The following ARHGEF4 variants were observed in gnomAD, a reference collection of about 807,000 sequenced individuals.
The protein encoded by ARHGEF4 is Rho guanine nucleotide exchange factor 4.
Under a neutral mutation model 162.0 loss-of-function variants are expected in ARHGEF4, and 119 were observed. The ratio of observed to expected loss-of-function variants is 0.73; its 90% CI spans 0.63 to 0.86. The LOEUF is 0.86. Among genes scored for constraint, ARHGEF4 ranks in the 40% least tolerant of loss-of-function variants. The probability of loss-of-function intolerance (pLI) is 0.00; values close to 1 mark genes in which losing one functional copy is unlikely to be tolerated. For missense variants in ARHGEF4, 2,488 were observed against 2,456.0 expected (o/e 1.01, Z -0.28); for synonymous variants, 1,014 against 979.9 (o/e 1.03, Z -0.65).
At chr2:130,876,878 A>C (rs1347159669) in intron 1 of ARHGEF4, among the ~76,000 whole-genome samples, 1 of 152,228 alleles carries the variant, frequency 6.6e-6, no homozygotes, top group Non-Finnish European at 1.5e-5. Flanking sequence ...GTAAAGGCTC[A>C]GCAGCTCTTA....
At chr2:131,037,843 G>A (rs1355928033) in intron 5 of ARHGEF4, among the ~76,000 whole-genome samples, 1 of 148,718 alleles carries the variant, frequency 6.7e-6, no homozygotes, top group East Asian at 2.0e-4. Flanking sequence ...GTATAATGTG[G>A]TTGACTGGGT....
At chr2:130,909,531 A>C (rs1681041573) in intron 1 of ARHGEF4, among the ~76,000 whole-genome samples, 1 of 152,196 alleles carries the variant, frequency 6.6e-6, no homozygotes, top group African/African-American at 2.4e-5. Flanking sequence ...GAGAGGCAGA[A>C]GGGAAAGAGA....
At chr2:130,944,625 A>G (rs1683499010) in intron 3 of ARHGEF4, among the ~76,000 whole-genome samples, 1 of 151,732 alleles carries the variant, frequency 6.6e-6, no homozygotes, top group Non-Finnish European at 1.5e-5. Context: ...TTTTTTATCT[A>G]TTTATCTGCT....
intron 3 of ARHGEF4, among the ~76,000 whole-genome samples, chr2:130,939,381 T>C (rs1394097020): frequency 1.3e-5 from 2 of 152,236 alleles, no homozygotes; most frequent in African/African-American, 4.8e-5. Context: ...TTTGCACCTT[T>C]GCCAGAAATC....
intron 1 of ARHGEF4, among the ~76,000 whole-genome samples, chr2:130,910,639 C>G (rs1340351656): frequency 6.6e-6 from 1 of 152,206 alleles, no homozygotes; most frequent in Non-Finnish European, 1.5e-5. Flanking sequence ...CAAGGCTGAT[C>G]TAATGAGCCC....
intron 1 of ARHGEF4, among the ~76,000 whole-genome samples, chr2:130,846,034 T>C (rs1000034195): frequency 2.0e-5 from 3 of 152,078 alleles, no homozygotes; most frequent in African/African-American, 7.2e-5. Flanking sequence ...GTGAGTTTAT[T>C]GTGCGTCAGT....
intron 4 of ARHGEF4, among the ~76,000 whole-genome samples, chr2:130,994,851 T>A (rs991512028): frequency 1.3e-5 from 2 of 152,254 alleles, no homozygotes; most frequent in Non-Finnish European, 2.9e-5. Context: ...GGACTCTTTA[T>A]AGATGCCATT....
At chr2:130,921,797 T>A (rs969713611) in intron 2 of ARHGEF4, among the ~76,000 whole-genome samples, 2 of 152,018 alleles carry the variant, frequency 1.3e-5, no homozygotes, top group African/African-American at 4.8e-5. Flanking sequence ...GTTCAAGCAA[T>A]TCTCCTGCCT....
intron 3 of ARHGEF4, among the ~76,000 whole-genome samples, chr2:130,937,274 C>G (rs1683016888): frequency 6.6e-6 from 1 of 151,984 alleles, no homozygotes; most frequent in Non-Finnish European, 1.5e-5. Context: ...GCCCTAGGTT[C>G]TGTTAATTTT....
In ARHGEF4 at chr2:130,975,483, C is replaced by T. The variant is rs1031681745; in HGVS notation, c.3985+28848C>T. ...TCCCAGGCCCAGGTACCAAAAAACT[C>T]GGGACAGCCCTCACTCCAGAGCCTC... On this transcript the variant is annotated intron_variant, in intron 4 of 13. Coordinates refer to ENST00000409359, the MANE Select transcript of ARHGEF4 (RefSeq NM_001367493.1). Among the ~76,000 whole-genome samples, 6 of 152,136 alleles carry T rather than the reference C, an allele frequency of 3.9e-5. No homozygotes were observed. In the South Asian group the frequency reaches 1.0e-3, roughly 26 times the overall value.
chr2:130,939,296 CT>C lies in ARHGEF4; in HGVS notation c.3859-7206del, dbSNP rs375005906. Among the ~76,000 whole-genome samples the C allele has an allele frequency of 1.9e-3, 285 of 152,184 alleles. 3 individuals are homozygous for C. The highest frequency in any genetic ancestry group is 6.5e-3 in the African/African-American group (272 of 41,554). ...TAGGTGAAGTTTCTTTTCTTCTTTT[CT>C]TTTTTTCTTTTTTTGCCTGTGGATA... is the stretch of plus-strand genomic sequence containing the variant. On this transcript the variant is annotated intron_variant, in intron 3 of 13. Coordinates refer to ENST00000409359, the MANE Select transcript of ARHGEF4 (RefSeq NM_001367493.1).
At chr2:130,953,302 G>A (rs888166205) in intron 4 of ARHGEF4, among the ~76,000 whole-genome samples, 9 of 152,258 alleles carry the variant, frequency 5.9e-5, no homozygotes, top group African/African-American at 1.9e-4. Context: ...AACAAGAAAT[G>A]GGGAAAGGAT....
At chr2:130,843,268 C>T (rs1330058022) in intron 1 of ARHGEF4, among the ~76,000 whole-genome samples, 1 of 152,224 alleles carries the variant, frequency 6.6e-6, no homozygotes, top group African/African-American at 2.4e-5. Context: ...GTCTAAACTC[C>T]AGGTTCCTGG....
intron 4 of ARHGEF4, among the ~76,000 whole-genome samples, chr2:131,010,291 C>T (rs1688364027): frequency 6.6e-6 from 1 of 152,190 alleles, no homozygotes; most frequent in Non-Finnish European, 1.5e-5. Flanking sequence ...TGCCTGCAAG[C>T]AGAAAGCTGT....
chr2:130,898,703 C>G (rs1024540066), intron 1 of ARHGEF4, among the ~76,000 whole-genome samples: 13 of 152,050 alleles, frequency 8.5e-5, no homozygotes, highest in Admixed American at 8.5e-4. Flanking sequence ...GCAGTGGGTG[C>G]GAACACAACA....
intron 1 of ARHGEF4, among the ~76,000 whole-genome samples, chr2:130,853,708 T>G (rs114541891): frequency 0.036 from 5,553 of 152,244 alleles, 157 homozygotes; most frequent in Non-Finnish European, 0.053. Context: ...CCCTCTCCAG[T>G]GGGAGTCAGC....
chr2:131,033,090 C>T (rs906494691), intron 5 of ARHGEF4, among the ~76,000 whole-genome samples: 2 of 151,998 alleles, frequency 1.3e-5, no homozygotes, highest in African/African-American at 4.8e-5. Context: ...TGAGCTCAAG[C>T]GATCTGCCCG....
chr2:130,916,126 C>G lies in ARHGEF4; in HGVS notation c.2180C>G (p.Pro727Arg), dbSNP rs781555878. The G allele has an allele frequency of 4.5e-6, 7 of 1,549,692 alleles. No individual in the cohort carries two copies. Among genetic ancestry groups the G allele is most frequent in the Middle Eastern group, 1.8e-4 (1 of 5,650 alleles). ...LVPQAASEET[P>R]STEEPPGERL... ...CCCCAAGCTGCTTCGGAAGAGACGC[C>G]GAGCACAGAGGAGCCCCCGGGAGAG... The change falls in exon 2 of 14, where the codon CCG becomes CGG. Residue 727 changes from proline (P) to arginine (R), a missense_variant. This residue lies in a region of ARHGEF4 where 1,642 missense variants were observed against 1,481.5 expected (regional missense o/e 1.11). Transcript: ENST00000409359.
chr2:130,901,660 A>C (rs1680497376), intron 1 of ARHGEF4, among the ~76,000 whole-genome samples: 2 of 152,002 alleles, frequency 1.3e-5, no homozygotes, highest in Non-Finnish European at 1.5e-5. Flanking sequence ...AGCTGGGACT[A>C]CAGGCGCCTG....
Sources: allele counts gnomAD v4.1 joint callset (sites outside exome capture counted in the v4.1 genomes callset), GRCh38; gene constraint gnomAD v4.1.1; regional missense constraint gnomAD v4.1.1; transcripts MANE v1.5; gene names NCBI Gene and HGNC (gene_info 2026-07-23, HGNC 2026-07-21).